Variants in NPLOC4 observed in about 807,000 individuals in gnomAD.
NPLOC4 encodes the protein NPL4 homolog, ubiquitin recognition factor.
NPLOC4 carries 18 observed loss-of-function variants against 80.6 expected under a neutral mutation model. The ratio of observed to expected loss-of-function variants is 0.22; its 90% confidence interval spans 0.15 to 0.33. The LOEUF is 0.33. Ranked by LOEUF, NPLOC4 falls within the 10% of genes least tolerant of loss-of-function variation. The pLI, the probability that NPLOC4 is intolerant of heterozygous loss-of-function variation, is 1.00. For synonymous variants in NPLOC4, 313 were observed against 301.5 expected, an observed-to-expected ratio of 1.04 and a Z score of -0.39; for missense variants, 540 against 786.1, an observed-to-expected ratio of 0.69 and a Z score of 3.74.
intron 1 of NPLOC4, among the ~76,000 whole-genome samples, chr17:81,635,852 A>G (rs1398032390): frequency 6.6e-6 from 1 of 152,162 alleles, no homozygotes; most frequent in Non-Finnish European, 1.5e-5. Flanking sequence ...CTCCTGTCCA[A>G]TGGTCAGTTA....
At chr17:81,615,157 T>C (rs947350783) in intron 3 of NPLOC4, among the ~76,000 whole-genome samples, 6 of 146,278 alleles carry the variant, frequency 4.1e-5, no homozygotes, top group African/African-American at 1.5e-4. Context: ...TGGAGTGCAG[T>C]GGCGTGATCT....
In NPLOC4 at chr17:81,565,577, G is replaced by T; in HGVS notation, c.1597C>A (p.Arg533=). 1.9e-6 allele frequency: 3 copies of T among 1,554,450 alleles called. No individual in the cohort carries two copies. The highest frequency in any genetic ancestry group is 2.6e-6 in the Non-Finnish European group (3 of 1,149,946). Residue 533 remains arginine (R), a synonymous_variant, in exon 16 of 17, where the codon CGG becomes AGG. Coordinates refer to ENST00000331134, the MANE Select transcript of NPLOC4 (RefSeq NM_017921.4). ...TGGGCGAGCTCCTCATTTCTGGTCC[G>T]CACGGCCTCCAGCAGCAAGCTGATG... ...DSISLLLEAV[R]TRNEELAQTW...
chr17:81,604,802 A>G (rs1598657741), intron 7 of NPLOC4, 75 bp from the exon 8 acceptor site: 4 of 1,301,876 alleles, frequency 3.1e-6, no homozygotes, highest in South Asian at 1.4e-5. Flanking sequence ...AACACAAACC[A>G]TTCATAAATA....
In NPLOC4 at chr17:81,596,360, C is replaced by G. The variant is rs1343921105; in HGVS notation, c.994-118G>C. 6 of 1,202,826 alleles carry G rather than the reference C, an allele frequency of 5.0e-6. No individual in the cohort carries two copies. The East Asian group carries it at 1.5e-4, about 29-fold the overall frequency. 74.5% of individuals were successfully genotyped at this position (1,202,826 alleles called of 1,614,324 possible). ...CAGTGACTCACACCTCTAATTCCAG[C>G]ACTTTGAGAGGTGGAGGCGGGAGGT... On this transcript the variant is annotated intron_variant, in intron 10 of 16. Transcript: ENST00000331134.
intron 2 of NPLOC4, among the ~76,000 whole-genome samples, chr17:81,627,966 T>A (rs1185687061): frequency 2.0e-5 from 3 of 150,164 alleles, no homozygotes; most frequent in Non-Finnish European, 4.4e-5. Flanking sequence ...AATGAAAATA[T>A]CCTTGGGAGG....
chr17:81,628,115 G>T (rs1026584051), intron 2 of NPLOC4, among the ~76,000 whole-genome samples: 8 of 151,956 alleles, frequency 5.3e-5, no homozygotes, highest in Non-Finnish European at 8.8e-5. Context: ...GGAGGCTGAG[G>T]CAGGAGAGTG....
At chr17:81,602,309 G>T (rs1325519490) in intron 8 of NPLOC4, among the ~76,000 whole-genome samples, 1 of 152,036 alleles carries the variant, frequency 6.6e-6, no homozygotes, top group Non-Finnish European at 1.5e-5. Flanking sequence ...TACTTTAGGA[G>T]GCCAAGGCAG....
intron 11 of NPLOC4, among the ~76,000 whole-genome samples, chr17:81,591,227 G>C (rs1568136286): frequency 6.6e-6 from 1 of 152,016 alleles, no homozygotes; most frequent in Non-Finnish European, 1.5e-5. Flanking sequence ...CTGAGGTCAG[G>C]AGTTCAAGAC....
In NPLOC4 at chr17:81,629,895, G is replaced by A. The variant is rs2035886856; in HGVS notation, c.16-90C>T. ...TTCCATCTGTGGTCTTTTAGCATCT[G>A]GGTCACTGAAAATTAAAGCCAAACC... On this transcript the variant is annotated intron_variant, in intron 1 of 16. Transcript: ENST00000331134. 6 of 946,510 alleles carry A rather than the reference G, an allele frequency of 6.3e-6. No homozygotes were observed. In the East Asian group the frequency reaches 1.5e-4, roughly 23 times the overall value. 58.6% of individuals were successfully genotyped at this position (946,510 alleles called of 1,614,324 possible). A position where few individuals can be genotyped will look rare whatever the true frequency, so the allele number is the denominator to read the frequency against.
At chr17:81,576,214 G>A (rs573950181) in intron 12 of NPLOC4, among the ~76,000 whole-genome samples, 12 of 152,276 alleles carry the variant, frequency 7.9e-5, no homozygotes, top group African/African-American at 2.9e-4. Flanking sequence ...ATGCATAAAT[G>A]GATTATGGAT....
At chr17:81,632,088 G>A (rs976984166) in intron 1 of NPLOC4, among the ~76,000 whole-genome samples, 1 of 151,914 alleles carries the variant, frequency 6.6e-6, no homozygotes, top group African/African-American at 2.4e-5. Context: ...CGATTCTCCT[G>A]TCTCAGCCTC....
At chr17:81,616,770 A>C (rs2035504928) in intron 3 of NPLOC4, among the ~76,000 whole-genome samples, 1 of 151,994 alleles carries the variant, frequency 6.6e-6, no homozygotes, top group East Asian at 1.9e-4. Context: ...CGCAAGTAAG[A>C]GTGGGCAGAG....
intron 13 of NPLOC4, among the ~76,000 whole-genome samples, chr17:81,571,341 C>T (rs1490013989): frequency 2.0e-5 from 3 of 152,240 alleles, no homozygotes; most frequent in Non-Finnish European, 2.9e-5. Flanking sequence ...ATCCTGCCAT[C>T]CTTGCTGCCC....
At chr17:81,564,971 G>A in intron 16 of NPLOC4, 1 of 317,884 alleles carries the variant, frequency 3.1e-6, no homozygotes, top group South Asian at 3.4e-5. Context: ...AGGAGTCCCT[G>A]CAGCAATGCT....
rs1373737702 is a variant in NPLOC4 at position 81,567,230 on chromosome 17, A to G, written c.1566+187T>C. ...GAAAAAATTAATCTTTCTATCAACAAGCTTCTTGTGAAAAGCTGCTGCCTA... is the reference window on the plus strand; with the variant it reads ...GAAAAAATTAATCTTTCTATCAACAGGCTTCTTGTGAAAAGCTGCTGCCTA... On this transcript the variant is annotated intron_variant, in intron 15 of 16. Coordinates refer to ENST00000331134, the MANE Select transcript of NPLOC4 (RefSeq NM_017921.4). This position sits in a 1 kb window ranked among gnomAD's most constrained non-coding sequence, Gnocchi z 4.5. 6.6e-6 allele frequency among the ~76,000 whole-genome samples: 1 copy of G among 152,244 alleles called. No homozygotes were observed. Among genetic ancestry groups the G allele is most frequent in the Non-Finnish European group, 1.5e-5 (1 of 68,050 alleles).
At chr17:81,616,700 A>G (rs1044288847) in intron 3 of NPLOC4, among the ~76,000 whole-genome samples, 11 of 150,076 alleles carry the variant, frequency 7.3e-5, no homozygotes, top group African/African-American at 2.5e-4. Flanking sequence ...ACTGCCCTCC[A>G]GCCTGGGCGA....
chr17:81,594,802 TG>T (rs1216944855), intron 11 of NPLOC4, among the ~76,000 whole-genome samples: 4 of 151,742 alleles, frequency 2.6e-5, no homozygotes, highest in Non-Finnish European at 5.9e-5. Context: ...AAAAATTAAC[TG>T]GGCGTGGTGG....
intron 11 of NPLOC4, among the ~76,000 whole-genome samples, chr17:81,594,058 G>A (rs1274040540): frequency 6.6e-6 from 1 of 151,952 alleles, no homozygotes; most frequent in East Asian, 1.9e-4. Context: ...CGGATCACGA[G>A]GTCAGGAGAT....
At chr17:81,619,592 C>CG in intron 3 of NPLOC4, among the ~76,000 whole-genome samples, 1 of 149,138 alleles carries the variant, frequency 6.7e-6, no homozygotes, top group Non-Finnish European at 1.5e-5. Context: ...AGAAAAAAGG[C>CG]GGGGTGCCAG....
Sources: gnomAD v4.1 joint callset for allele counts (sites outside exome capture counted in the v4.1 genomes callset) on GRCh38, gnomAD v4.1.1 for gene constraint, Gnocchi (gnomAD v3.1) non-coding constraint, MANE v1.5 for transcripts, NCBI Gene and HGNC (gene_info 2026-07-23, HGNC 2026-07-21) for gene names.